ATP2A2: variants seen among roughly 807,000 people sequenced by gnomAD.
ATP2A2 encodes the protein ATPase sarcoplasmic/endoplasmic reticulum Ca2+ transporting 2.
A neutral mutation model predicts 109.3 loss-of-function variants in ATP2A2; 14 were observed. The ratio of observed to expected loss-of-function variants is 0.13; its 90% CI spans 0.08 to 0.20. The LOEUF (loss-of-function observed/expected upper bound fraction) is 0.20, where lower values mean the gene tolerates loss of function less well. Ranked by LOEUF, ATP2A2 falls within the 10% of genes least tolerant of loss-of-function variation. The probability of loss-of-function intolerance (pLI) is 1.00; values close to 1 mark genes in which losing one functional copy is unlikely to be tolerated. For synonymous variants in ATP2A2, 506 were observed against 490.9 expected, an observed-to-expected ratio of 1.03 and a Z score of -0.41; for missense variants, 657 against 1,321.6, an observed-to-expected ratio of 0.50 and a Z score of 7.80.
At chr12:110,299,244 T>TA (rs1406646677) in intron 5 of ATP2A2, among the ~76,000 whole-genome samples, 1 of 151,986 alleles carries the variant, frequency 6.6e-6, no homozygotes, top group Non-Finnish European at 1.5e-5. Context: ...ATGCTGGGAT[T>TA]ACAGACGTGA....
At chr12:110,312,498 T>G (rs142826405) in intron 5 of ATP2A2, among the ~76,000 whole-genome samples, 1,807 of 151,810 alleles carry the variant, frequency 0.012, 19 homozygotes, top group Non-Finnish European at 0.019. Flanking sequence ...CTTCAGGAGG[T>G]TCATTTGTCC....
chr12:110,282,640 TTC>T lies in ATP2A2; in HGVS notation c.136+21_136+22del, dbSNP rs763637617. 2.4e-4 allele frequency: 390 copies of T among 1,613,942 alleles called. No individual in the cohort carries two copies. The highest frequency in any genetic ancestry group is 2.9e-4 in the Non-Finnish European group (344 of 1,179,946). On this transcript the variant is annotated intron_variant, in intron 2 of 19. Coordinates refer to ENST00000539276, the MANE Select transcript of ATP2A2 (RefSeq NM_170665.4). ...GAAGAAGGTAATCTTAACATGCTGTTTCTGTTTTTTTTCCTCTGTTGGTGTGC... is the reference window on the plus strand; with the variant it reads ...GAAGAAGGTAATCTTAACATGCTGTTTGTTTTTTTTCCTCTGTTGGTGTGC...
At chr12:110,286,881 A>AT (rs752270745) in intron 3 of ATP2A2, among the ~76,000 whole-genome samples, 32 of 152,170 alleles carry the variant, frequency 2.1e-4, no homozygotes, top group Admixed American at 9.8e-4. Flanking sequence ...ATCACAGTGT[A>AT]TAGATATCTG....
chr12:110,298,462 G>A (rs1874202582), intron 5 of ATP2A2, among the ~76,000 whole-genome samples: 1 of 152,206 alleles, frequency 6.6e-6, no homozygotes, highest in Admixed American at 6.5e-5. Context: ...GCTCATGCCT[G>A]TAATCCCAGC....
rs749877155 is a variant in ATP2A2 at position 110,346,505 on chromosome 12, A to T, written c.*35A>T. 6.2e-7 allele frequency: 1 copy of T among 1,612,158 alleles called. No individual in the cohort carries two copies. The highest frequency in any genetic ancestry group is 2.2e-5 in the East Asian group (1 of 44,750). ...TTCCATAAAGAAGATGTTTAACTTA[A>T]TCAATTAATTTTTTTATTGTTTAAA... On this transcript the variant is annotated 3_prime_UTR_variant, in exon 20 of 20. Coordinates refer to ENST00000539276, the MANE Select transcript of ATP2A2 (RefSeq NM_170665.4).
rs1306656433 is a variant in ATP2A2, at chr12:110,281,725, G to T, written c.-65G>T. ...CCGGGGTGGCACGAGCCCGCGGCCG[G>T]AGTGCGAGGCGGAGGCGAGGAGGCC... On this transcript the variant is annotated 5_prime_UTR_variant, in exon 1 of 20. Transcript: ENST00000539276. The T allele has an allele frequency of 1.7e-6, 2 of 1,200,884 alleles. No homozygotes were observed. Among genetic ancestry groups the T allele is most frequent in the Non-Finnish European group, 2.2e-6 (2 of 904,064 alleles). The allele number at this position is 1,200,884 out of a possible 1,614,324, so 74.4% of individuals were successfully genotyped here.
At chr12:110,330,045 A>G (rs1354918192) in intron 8 of ATP2A2, 1 of 152,240 alleles carries the variant, frequency 6.6e-6, no homozygotes, top group East Asian at 1.9e-4. Flanking sequence ...GGGAAACCTC[A>G]TATAACATGA....
rs905318693 is a variant in ATP2A2, at chr12:110,346,843, T to G, written c.*373T>G. The G allele has an allele frequency of 8.9e-7, 1 of 1,123,508 alleles. No homozygotes were observed. Among genetic ancestry groups the G allele is most frequent in the African/African-American group, 1.7e-5 (1 of 59,970 alleles). 69.6% of individuals were successfully genotyped at this position (1,123,508 alleles called of 1,614,324 possible). A position where few individuals can be genotyped will look rare whatever the true frequency, so the allele number is the denominator to read the frequency against. ...TTTAGGAAATGAATGTGTGTGGTTT[T>G]TTTTCTAAAACTAAATAGCATGTAT... On this transcript the variant is annotated 3_prime_UTR_variant, in exon 20 of 20. Transcript: ENST00000539276.
chr12:110,289,618 G>A (rs1464002756), intron 3 of ATP2A2, among the ~76,000 whole-genome samples: 4 of 151,934 alleles, frequency 2.6e-5, no homozygotes, highest in Non-Finnish European at 4.4e-5. Flanking sequence ...GTCTTCTAAT[G>A]AGTCATTTGG....
chr12:110,334,284 A>T, intron 11 of ATP2A2, 141 bp downstream of exon 11: 1 of 1,049,284 alleles, frequency 9.5e-7, no homozygotes. Context: ...CCCCATATTC[A>T]CTCTCAGGTA....
chr12:110,339,737 G>A lies in ATP2A2; in HGVS notation c.1761+16G>A. On this transcript the variant is annotated intron_variant, in intron 13 of 19. Transcript: ENST00000539276. This position sits in a 1 kb window ranked among gnomAD's most constrained non-coding sequence, Gnocchi z 4.4. ...TAAATATGAGGTTAGCTAATGAAAAGTTTCTTTGTCCACACCCTGCACGAT... is the reference window on the plus strand; with the variant it reads ...TAAATATGAGGTTAGCTAATGAAAAATTTCTTTGTCCACACCCTGCACGAT... 1 of 1,612,046 alleles carries A rather than the reference G, an allele frequency of 6.2e-7. No individual in the cohort carries two copies. Among genetic ancestry groups the A allele is most frequent in the Non-Finnish European group, 8.5e-7 (1 of 1,178,714 alleles).
chr12:110,349,977 G>C lies in ATP2A2; in HGVS notation c.*3507G>C, dbSNP rs974691938. Reference sequence around the variant, plus strand: ...CCTCTGCACCACTAACCAAGACCTTGTCCTCTTGCCTGTCTCGCTGCTTTC... The same window carrying C: ...CCTCTGCACCACTAACCAAGACCTTCTCCTCTTGCCTGTCTCGCTGCTTTC... On this transcript the variant is annotated 3_prime_UTR_variant, in exon 20 of 20. Transcript: ENST00000539276. 7.7e-7 allele frequency: 1 copy of C among 1,291,338 alleles called. No homozygotes were observed. Among genetic ancestry groups the C allele is most frequent in the Non-Finnish European group, 9.9e-7 (1 of 1,012,126 alleles). 80.0% of individuals were successfully genotyped at this position (1,291,338 alleles called of 1,614,324 possible).
In ATP2A2 at chr12:110,347,392, GT is replaced by G. The variant is rs1178021463; in HGVS notation, c.*924del. ...ACAGACATGTCCAACTTTCTCTCCAGTTCTTAGCTCAGAACTTTAGTTGTAC... is the reference window on the plus strand; with the variant it reads ...ACAGACATGTCCAACTTTCTCTCCAGTCTTAGCTCAGAACTTTAGTTGTAC... On this transcript the variant is annotated 3_prime_UTR_variant, in exon 20 of 20. Coordinates refer to ENST00000539276, the MANE Select transcript of ATP2A2 (RefSeq NM_170665.4). 8 of 1,288,978 alleles carry G rather than the reference GT, an allele frequency of 6.2e-6. No homozygotes were observed. Among genetic ancestry groups the G allele is most frequent in the Non-Finnish European group, 8.1e-6 (8 of 988,702 alleles). 79.8% of individuals were successfully genotyped at this position (1,288,978 alleles called of 1,614,324 possible). A position where few individuals can be genotyped will look rare whatever the true frequency, so the allele number is the denominator to read the frequency against.
chr12:110,343,837 C>A (rs1458626276), intron 16 of ATP2A2, among the ~76,000 whole-genome samples: 7 of 152,190 alleles, frequency 4.6e-5, no homozygotes, highest in Non-Finnish European at 1.0e-4. Flanking sequence ...TGGCTGGTCC[C>A]TTTTATATAT....
intron 5 of ATP2A2, among the ~76,000 whole-genome samples, chr12:110,307,210 C>G (rs1327292065): frequency 2.1e-5 from 3 of 145,358 alleles, no homozygotes; most frequent in East Asian, 2.0e-4. Context: ...GTGTTCCCCC[C>G]AGCCCCACCA....
rs1056480518 is a variant in ATP2A2 at position 110,347,344 on chromosome 12, C to T, written c.*874C>T. The T allele has an allele frequency of 2.3e-6, 3 of 1,287,542 alleles. No individual in the cohort carries two copies. The highest frequency in any genetic ancestry group is 2.0e-6 in the Non-Finnish European group (2 of 987,570). The allele number at this position is 1,287,542 out of a possible 1,614,324, so 79.8% of individuals were successfully genotyped here. A position where few individuals can be genotyped will look rare whatever the true frequency, so the allele number is the denominator to read the frequency against. ...AAAAATAACTGTCTTGTCTTTAACT[C>T]GTAAGTGGCTTACCTGGGACTAACA... On this transcript the variant is annotated 3_prime_UTR_variant, in exon 20 of 20. Transcript: ENST00000539276.
At chr12:110,296,316 T>C (rs1213983714) in intron 4 of ATP2A2, 1 of 409,916 alleles carries the variant, frequency 2.4e-6, no homozygotes, top group Non-Finnish European at 4.6e-6. Context: ...TGGCTAAAGG[T>C]GAAAGCTGTG....
intron 5 of ATP2A2, among the ~76,000 whole-genome samples, chr12:110,304,320 G>A (rs1875020872): frequency 6.6e-6 from 1 of 152,088 alleles, no homozygotes; most frequent in Admixed American, 6.6e-5. Context: ...TGGAATTATG[G>A]GGCCTATAGT....
intron 5 of ATP2A2, among the ~76,000 whole-genome samples, chr12:110,316,831 G>C (rs988940844): frequency 3.9e-5 from 6 of 152,314 alleles, no homozygotes; most frequent in Middle Eastern, 3.4e-3. Context: ...GAAGAGCATA[G>C]TGTGTGATGC....
Sources: gnomAD v4.1 joint callset for allele counts (sites outside exome capture counted in the v4.1 genomes callset) on GRCh38, gnomAD v4.1.1 for gene constraint, Gnocchi (gnomAD v3.1) non-coding constraint, MANE v1.5 for transcripts, NCBI Gene and HGNC (gene_info 2026-07-23, HGNC 2026-07-21) for gene names.